Variants in OPCML observed in about 807,000 individuals in gnomAD.
OPCML encodes opioid binding protein/cell adhesion molecule like, also known as opioid-binding protein/cell adhesion molecule.
In OPCML, 13 loss-of-function variants were observed where a neutral mutation model predicts 37.8. The ratio of observed to expected loss-of-function variants is 0.34; its 90% CI spans 0.22 to 0.55. OPCML has a LOEUF of 0.55. Among genes scored for constraint, OPCML ranks in the 20% least tolerant of loss-of-function variants. The pLI, the probability that OPCML is intolerant of heterozygous loss-of-function variation, is 0.91. For synonymous variants in OPCML, 176 were observed against 168.8 expected, an observed-to-expected ratio of 1.04 and a Z score of -0.33; for missense variants, 341 against 435.6, an observed-to-expected ratio of 0.78 and a Z score of 1.93.
intron 2 of OPCML, among the ~76,000 whole-genome samples, chr11:132,927,609 G>T (rs1389559885): frequency 1.3e-5 from 2 of 151,782 alleles, no homozygotes; most frequent in African/African-American, 4.8e-5. Context: ...AAAGAAAGCT[G>T]GAAAGTAATT....
chr11:133,511,681 A>C (rs73025685), intron 1 of OPCML, among the ~76,000 whole-genome samples: 15,560 of 148,474 alleles, frequency 0.1, 1,574 homozygotes, highest in African/African-American at 0.27. Context: ...CCATAATCCC[A>C]TTCTCCATAG....
intron 1 of OPCML, among the ~76,000 whole-genome samples, chr11:132,955,858 G>A (rs1229841545): frequency 6.6e-6 from 1 of 152,148 alleles, no homozygotes. Context: ...ACTCCAGCCT[G>A]GATGACAGAG....
chr11:133,287,020 AAGG>A (rs1276232464), intron 1 of OPCML, among the ~76,000 whole-genome samples: 1 of 152,152 alleles, frequency 6.6e-6, no homozygotes, highest in African/African-American at 2.4e-5. Context: ...CTGTGGACAG[AAGG>A]AGAAGTTGAG....
chr11:133,436,999 C>G (rs4937770), intron 1 of OPCML, among the ~76,000 whole-genome samples: 31,840 of 152,114 alleles, frequency 0.21, 6,325 homozygotes, highest in African/African-American at 0.52. Flanking sequence ...CTCACACATC[C>G]GCATGAGCCC....
intron 2 of OPCML, among the ~76,000 whole-genome samples, chr11:132,862,482 G>GAAA (rs11387928): frequency 7.8e-5 from 10 of 128,010 alleles, no homozygotes; most frequent in South Asian, 5.1e-4. Context: ...TCATCTATAC[G>GAAA]AAAAAAAAAA....
At chr11:132,585,544 A>G (rs1274528776) in intron 3 of OPCML, among the ~76,000 whole-genome samples, 4 of 152,172 alleles carry the variant, frequency 2.6e-5, no homozygotes, top group Admixed American at 2.6e-4. Context: ...CCAAAACAAC[A>G]GCCCCGATAA....
At chr11:132,994,303 T>C (rs1451434987) in intron 1 of OPCML, among the ~76,000 whole-genome samples, 1 of 152,092 alleles carries the variant, frequency 6.6e-6, no homozygotes, top group African/African-American at 2.4e-5. Flanking sequence ...CCAGGCGCGA[T>C]TTTCTAATTA....
intron 1 of OPCML, among the ~76,000 whole-genome samples, chr11:133,512,184 C>A (rs971875978): frequency 6.6e-6 from 1 of 152,202 alleles, no homozygotes; most frequent in Non-Finnish European, 1.5e-5. Context: ...TCTGACCAAC[C>A]AGCAACAAAT....
chr11:132,767,088 T>C (rs7924465), intron 2 of OPCML, among the ~76,000 whole-genome samples: 17,296 of 152,252 alleles, frequency 0.11, 1,216 homozygotes, highest in African/African-American at 0.19. Context: ...ACAAATGTGA[T>C]GAAATATTAA....
rs568292840 is a variant in OPCML, at chr11:133,171,292, C to T, written c.62-228282G>A. Among the ~76,000 whole-genome samples the T allele has an allele frequency of 5.9e-5, 9 of 152,278 alleles. No individual in the cohort carries two copies. The East Asian group carries it at 9.7e-4, about 16-fold the overall frequency. On this transcript the variant is annotated intron_variant, in intron 1 of 7. Transcript: ENST00000524381. ...CATTATCTCACCAGATTTGCTTTCT[C>T]GACCCTCTTCTTGTCCACTTTTCCA...
chr11:132,722,570 A>T (rs1031838268), intron 2 of OPCML, among the ~76,000 whole-genome samples: 20 of 152,162 alleles, frequency 1.3e-4, no homozygotes, highest in Non-Finnish European at 2.9e-5. Context: ...TGTTAAGTCC[A>T]CACTCAAGAA....
At chr11:133,201,833 G>A (rs775903184) in intron 1 of OPCML, among the ~76,000 whole-genome samples, 18 of 152,222 alleles carry the variant, frequency 1.2e-4, no homozygotes, top group Admixed American at 8.5e-4. Flanking sequence ...CCTTCTCACC[G>A]CCTCTCCAAA....
At chr11:133,392,776 C>T (rs574914931) in intron 1 of OPCML, among the ~76,000 whole-genome samples, 1 of 152,304 alleles carries the variant, frequency 6.6e-6, no homozygotes, top group South Asian at 2.1e-4. Context: ...GCAAAATGTG[C>T]CCATGGCTCC....
At chr11:132,723,710 C>T (rs979315949) in intron 2 of OPCML, among the ~76,000 whole-genome samples, 3 of 152,226 alleles carry the variant, frequency 2.0e-5, no homozygotes, top group Non-Finnish European at 2.9e-5. Context: ...CAGGCCTATG[C>T]CCTCCAGGCA....
intron 2 of OPCML, among the ~76,000 whole-genome samples, chr11:132,879,952 C>T (rs1295992430): frequency 6.6e-6 from 1 of 152,180 alleles, no homozygotes; most frequent in East Asian, 1.9e-4. Context: ...ACATTTCAGA[C>T]ACCTGCCAAG....
At chr11:133,504,662 A>G (rs529370617) in intron 1 of OPCML, among the ~76,000 whole-genome samples, 1 of 152,336 alleles carries the variant, frequency 6.6e-6, no homozygotes, top group African/African-American at 2.4e-5. Context: ...CCATGCCAGC[A>G]TTGAGAAGCC....
At chr11:132,871,657 C>T (rs1942798446) in intron 2 of OPCML, among the ~76,000 whole-genome samples, 1 of 152,154 alleles carries the variant, frequency 6.6e-6, no homozygotes, top group Non-Finnish European at 1.5e-5. Flanking sequence ...TGGGATGAAG[C>T]GCCACCGATG....
chr11:133,512,676 G>C, intron 1 of OPCML, among the ~76,000 whole-genome samples: 1 of 152,176 alleles, frequency 6.6e-6, no homozygotes, highest in East Asian at 1.9e-4. Context: ...GCCTACCAAA[G>C]AGTTGCCTCA....
At chr11:132,701,874 G>A (rs1021271840) in intron 2 of OPCML, among the ~76,000 whole-genome samples, 2 of 151,110 alleles carry the variant, frequency 1.3e-5, no homozygotes, top group Non-Finnish European at 2.9e-5. Flanking sequence ...TTAGCATAGG[G>A]CTTACATCAA....
Sources: allele counts gnomAD v4.1 joint callset (sites outside exome capture counted in the v4.1 genomes callset), GRCh38; gene constraint gnomAD v4.1.1; transcripts MANE v1.5; gene names NCBI Gene and HGNC (gene_info 2026-07-23, HGNC 2026-07-21).